The following ANO2 variants were observed in gnomAD, a reference collection of about 807,000 sequenced individuals.
The protein encoded by ANO2 is anoctamin 2, also known as anoctamin-2.
A neutral mutation model predicts 124.2 loss-of-function variants in ANO2; 101 were observed. The observed-to-expected ratio is 0.81, with a 90% CI of 0.69 to 0.96. The LOEUF (loss-of-function observed/expected upper bound fraction) is 0.96, where lower values mean the gene tolerates loss of function less well. Among genes scored for constraint, ANO2 ranks in the 40% least tolerant of loss-of-function variants. ANO2 has a pLI of 0.00. For missense variants in ANO2, 1,293 were observed against 1,274.5 expected, an observed-to-expected ratio of 1.01 and a Z score of -0.22; for synonymous variants, 486 against 482.5, an observed-to-expected ratio of 1.01 and a Z score of -0.09.
At chr12:5,898,736 T>G (rs1000065727) in intron 3 of ANO2, among the ~76,000 whole-genome samples, 1 of 151,888 alleles carries the variant, frequency 6.6e-6, no homozygotes, top group African/African-American at 2.4e-5. Context: ...GTGGTGGGGG[T>G]AGGGTCACGA....
At chr12:5,888,884 G>A (rs548685159) in intron 3 of ANO2, among the ~76,000 whole-genome samples, 119 of 152,308 alleles carry the variant, frequency 7.8e-4, no homozygotes, top group South Asian at 5.2e-3. Flanking sequence ...CCAGTCCCAC[G>A]CCGTGCGCCC....
intron 16 of ANO2, among the ~76,000 whole-genome samples, chr12:5,634,865 C>T (rs1945922979): frequency 6.6e-6 from 1 of 152,116 alleles, no homozygotes; most frequent in African/African-American, 2.4e-5. Flanking sequence ...AAAGAACAGA[C>T]CCCACGGTTT....
At chr12:5,844,839 G>GTGTTTGTTTGTT (rs6144597) in intron 4 of ANO2, among the ~76,000 whole-genome samples, 5,713 of 150,948 alleles carry the variant, frequency 0.038, 127 homozygotes, top group East Asian at 0.078. Flanking sequence ...CAGTTTTTGT[G>GTGTTTGTTTGTT]TGTTTGTTTG....
intron 10 of ANO2, among the ~76,000 whole-genome samples, chr12:5,762,199 C>G (rs1178012991): frequency 6.6e-6 from 1 of 151,932 alleles, no homozygotes; most frequent in Non-Finnish European, 1.5e-5. Flanking sequence ...TAGATCATTT[C>G]CAAGTGAAGT....
rs145591924 is a variant in ANO2, at chr12:5,714,078, C to G, written c.1545+18442G>C. On this transcript the variant is annotated intron_variant, in intron 14 of 24. Coordinates refer to ENST00000682330, the MANE Select transcript of ANO2 (RefSeq NM_001364791.2). Reference sequence around the variant, plus strand: ...CTTCTCCTCGGCCTGCCTATATTCTCTTACACTGCCAATTGTCTAAAGTTC... The same window carrying G: ...CTTCTCCTCGGCCTGCCTATATTCTGTTACACTGCCAATTGTCTAAAGTTC... Among the ~76,000 whole-genome samples the G allele has an allele frequency of 2.6e-5, 4 of 152,360 alleles. No homozygotes were observed. In the South Asian group the frequency reaches 8.3e-4, roughly 32 times the overall value.
At chr12:5,634,150 A>T (rs1945878406) in intron 16 of ANO2, among the ~76,000 whole-genome samples, 1 of 152,248 alleles carries the variant, frequency 6.6e-6, no homozygotes, top group East Asian at 1.9e-4. Flanking sequence ...TGGAAAGAGC[A>T]GAGCTGCCCC....
At chr12:5,602,907 T>C (rs1013659415) in intron 19 of ANO2, among the ~76,000 whole-genome samples, 1 of 152,220 alleles carries the variant, frequency 6.6e-6, no homozygotes, top group African/African-American at 2.4e-5. Flanking sequence ...ATTTTCAGCA[T>C]AGACTCCTAT....
chr12:5,800,532 T>C (rs898508245), intron 9 of ANO2, among the ~76,000 whole-genome samples: 1 of 152,162 alleles, frequency 6.6e-6, no homozygotes, highest in Non-Finnish European at 1.5e-5. Context: ...GCTTGCACCA[T>C]GGGGGCAGCA....
intron 3 of ANO2, among the ~76,000 whole-genome samples, chr12:5,917,084 A>C (rs1364411844): frequency 6.6e-6 from 1 of 152,106 alleles, no homozygotes; most frequent in Non-Finnish European, 1.5e-5. Context: ...GCTGAGAGGG[A>C]GGAGTCTGGG....
At chr12:5,851,287 T>C (rs1216309286) in intron 4 of ANO2, among the ~76,000 whole-genome samples, 1 of 152,100 alleles carries the variant, frequency 6.6e-6, no homozygotes, top group East Asian at 1.9e-4. Context: ...CTAAAAAGCA[T>C]AAGCATGTGA....
At chr12:5,753,711 GAAATGA>G (rs1951501633) in intron 10 of ANO2, among the ~76,000 whole-genome samples, 1 of 152,074 alleles carries the variant, frequency 6.6e-6, no homozygotes, top group Admixed American at 6.6e-5. Flanking sequence ...TTAGTGCACA[GAAATGA>G]AAATGATTTT....
intron 14 of ANO2, among the ~76,000 whole-genome samples, chr12:5,716,818 T>A (rs1012576484): frequency 2.0e-5 from 3 of 152,146 alleles, no homozygotes; most frequent in Non-Finnish European, 4.4e-5. Flanking sequence ...GGCAGAAGAA[T>A]TTCTTGGCCC....
intron 13 of ANO2, chr12:5,732,978 A>C: frequency 7.3e-7 from 1 of 1,369,876 alleles, no homozygotes; most frequent in East Asian, 2.3e-5. Context: ...CACCAGAGGC[A>C]GAGGGATATC....
intron 14 of ANO2, among the ~76,000 whole-genome samples, chr12:5,683,530 T>C (rs1948586948): frequency 1.3e-5 from 2 of 152,170 alleles, no homozygotes; most frequent in South Asian, 4.1e-4. Flanking sequence ...TGGAGTCATC[T>C]CTGTGTTGGC....
intron 7 of ANO2, among the ~76,000 whole-genome samples, chr12:5,811,584 C>T (rs1336432474): frequency 6.6e-6 from 1 of 152,094 alleles, no homozygotes; most frequent in East Asian, 1.9e-4. Context: ...ATTTTCTGTC[C>T]ATAAAAAAGC....
At chr12:5,613,848 A>G (rs542478599) in intron 17 of ANO2, among the ~76,000 whole-genome samples, 1 of 152,290 alleles carries the variant, frequency 6.6e-6, no homozygotes, top group South Asian at 2.1e-4. Flanking sequence ...CTTGCCTAAA[A>G]CGTCATATGC....
In ANO2 at chr12:5,593,883, A is replaced by G. The variant is rs1045022678; in HGVS notation, c.2233+5601T>C. Reference sequence around the variant, plus strand: ...CAACGGCAGTACCACCCCTAACCACACTTAGCTGCTTGATGAACTTTAATG... The same window carrying G: ...CAACGGCAGTACCACCCCTAACCACGCTTAGCTGCTTGATGAACTTTAATG... On this transcript the variant is annotated intron_variant, in intron 20 of 24. Transcript: ENST00000682330. Among the ~76,000 whole-genome samples the G allele has an allele frequency of 2.6e-5, 4 of 152,318 alleles. No individual in the cohort carries two copies. In the East Asian group the frequency reaches 5.8e-4, roughly 22 times the overall value.
At position 5,658,472 on chromosome 12, in the gene ANO2, T is replaced by TATC. The variant is rs368638922; in HGVS notation, c.1546-10674_1546-10672dup. On this transcript the variant is annotated intron_variant, in intron 14 of 24. Transcript: ENST00000682330. This position sits in a 1 kb window ranked among gnomAD's most constrained non-coding sequence, Gnocchi z 4.3. The stretch of plus-strand genomic sequence containing the variant: ...ATCAACATCATCATCATATCATCAC[T>TATC]ATCATCATCATCATCAATATCATCG... Among the ~76,000 whole-genome samples the TATC allele has an allele frequency of 4.6e-5, 7 of 151,860 alleles. No homozygotes were observed. The highest frequency in any genetic ancestry group is 2.0e-4 in the Admixed American group (3 of 15,244).
chr12:5,788,653 G>T (rs906219159), intron 10 of ANO2, among the ~76,000 whole-genome samples: 2 of 152,146 alleles, frequency 1.3e-5, no homozygotes, highest in Admixed American at 1.3e-4. Context: ...CTGCCTCCAG[G>T]GTTCGAGCAA....
Sources: allele counts gnomAD v4.1 joint callset (sites outside exome capture counted in the v4.1 genomes callset), GRCh38; gene constraint gnomAD v4.1.1; non-coding constraint Gnocchi (gnomAD v3.1); transcripts MANE v1.5; gene names NCBI Gene and HGNC (gene_info 2026-07-23, HGNC 2026-07-21).